RNF157: variants seen among roughly 807,000 people sequenced by gnomAD.
RNF157 encodes the protein E3 ubiquitin ligase RNF157.
RNF157 carries 55 observed loss-of-function variants against 88.3 expected under a neutral mutation model. The observed-to-expected ratio is 0.62, with a 90% confidence interval of 0.50 to 0.78. RNF157 has a LOEUF of 0.78. Among genes scored for constraint, RNF157 ranks in the 30% least tolerant of loss-of-function variants. The pLI, the probability that RNF157 is intolerant of heterozygous loss-of-function variation, is 0.00. For synonymous variants in RNF157, 334 were observed against 341.2 expected, an observed-to-expected ratio of 0.98 and a Z score of 0.23; for missense variants, 788 against 860.8, an observed-to-expected ratio of 0.92 and a Z score of 1.06.
chr17:76,156,634 C>T (rs2068769625), intron 13 of RNF157: 1 of 518,238 alleles, frequency 1.9e-6, no homozygotes, highest in African/African-American at 2.1e-5. Context: ...GGGGACACCC[C>T]AGGTTTCCCC....
intron 2 of RNF157, among the ~76,000 whole-genome samples, chr17:76,186,438 C>T (rs1468253691): frequency 6.6e-6 from 1 of 150,752 alleles, no homozygotes; most frequent in African/African-American, 2.4e-5. Flanking sequence ...ACTGAGGAGG[C>T]AGAGGTTGCA....
intron 5 of RNF157, 33 bp downstream of exon 5, chr17:76,166,976 G>A (rs1310592911): frequency 1.3e-6 from 2 of 1,496,586 alleles, no homozygotes; most frequent in Admixed American, 1.9e-5. Context: ...CCTTCTGAGT[G>A]GATGTGGGAA....
intron 2 of RNF157, among the ~76,000 whole-genome samples, chr17:76,190,403 G>C (rs1307618390): frequency 2.0e-5 from 3 of 152,016 alleles, no homozygotes; most frequent in African/African-American, 7.2e-5. Context: ...CTGGCCCCAA[G>C]TGATCTGCCT....
At position 76,156,825 on chromosome 17, in the gene RNF157, C is replaced by T. The variant is rs923418710; in HGVS notation, c.1414-504G>A. ...ACACCCCCACCTCCGATCCCAGCCC[C>T]GACCTGTCAGGCATCTGGGTGCACA... On this transcript the variant is annotated intron_variant, in intron 13 of 18. Transcript: ENST00000269391. Among the ~76,000 whole-genome samples the T allele has an allele frequency of 5.3e-5, 8 of 152,210 alleles. No individual in the cohort carries two copies. In the East Asian group the frequency reaches 9.6e-4, roughly 18 times the overall value.
rs768420945 is a variant in RNF157, at chr17:76,162,017, A to G, written c.793-15T>C. On this transcript the variant is annotated splice_polypyrimidine_tract_variant and intron_variant, in intron 9 of 18. Coordinates refer to ENST00000269391, the MANE Select transcript of RNF157 (RefSeq NM_052916.3). ...TCTTCAGCCACCTGGCCAAGGAGAA[A>G]GAAATGTAGCCAATGGCACAAAGCC... 13 of 1,610,888 alleles carry G rather than the reference A, an allele frequency of 8.1e-6. No homozygotes were observed. In the South Asian group the frequency reaches 8.8e-5, roughly 11 times the overall value.
intron 18 of RNF157, chr17:76,147,384 C>T (rs1196627385): frequency 2.0e-6 from 2 of 980,808 alleles, no homozygotes; most frequent in Non-Finnish European, 2.4e-6. Flanking sequence ...ATAAAAACAG[C>T]AGCACCACCA....
At chr17:76,187,198 T>A (rs80224057) in intron 2 of RNF157, among the ~76,000 whole-genome samples, 1 of 151,908 alleles carries the variant, frequency 6.6e-6, no homozygotes, top group South Asian at 2.1e-4. Flanking sequence ...CTTTTTTTTT[T>A]CTTAAGATGG....
intron 3 of RNF157, among the ~76,000 whole-genome samples, chr17:76,172,601 C>A (rs2069032931): frequency 1.0e-5 from 1 of 96,052 alleles, no homozygotes; most frequent in Non-Finnish European, 1.9e-5. Context: ...GAGCAAAACT[C>A]CATCTCAAAA....
At chr17:76,164,936 C>A in intron 7 of RNF157, 141 bp from the exon 8 acceptor site, 1 of 591,674 alleles carries the variant, frequency 1.7e-6, no homozygotes. Flanking sequence ...CGCCATCAAC[C>A]ACTGTCTGAA....
At position 76,214,655 on chromosome 17, in the gene RNF157, C is replaced by T. The variant is rs78532161; in HGVS notation, c.89-2173G>A. Among the ~76,000 whole-genome samples, 960 of 152,300 alleles carry T rather than the reference C, an allele frequency of 6.3e-3. 7 individuals carry two copies. Among genetic ancestry groups the T allele is most frequent in the African/African-American group, 0.021 (888 of 41,560 alleles). Reference sequence around the variant, plus strand: ...AAGGCTACACACATACCCTCTCCACCTCAAATTCATTAACAGTGCTAATGG... The same window carrying T: ...AAGGCTACACACATACCCTCTCCACTTCAAATTCATTAACAGTGCTAATGG... On this transcript the variant is annotated intron_variant, in intron 1 of 18. Coordinates refer to ENST00000269391, the MANE Select transcript of RNF157 (RefSeq NM_052916.3).
At chr17:76,162,075 G>A (rs1056331771) in intron 9 of RNF157, 73 bp from the exon 10 acceptor site, 28 of 1,474,814 alleles carry the variant, frequency 1.9e-5, no homozygotes, top group African/African-American at 1.8e-4. Flanking sequence ...ACAAGGCAGC[G>A]TGGCTGAAGA....
At chr17:76,162,051 C>T in intron 9 of RNF157, 49 bp from the exon 10 acceptor site, 1 of 1,579,486 alleles carries the variant, frequency 6.3e-7, no homozygotes, top group South Asian at 1.1e-5. Context: ...CCCTTCCTGT[C>T]CCATACTTTA....
chr17:76,196,325 C>T (rs2069477024), intron 2 of RNF157, among the ~76,000 whole-genome samples: 2 of 152,162 alleles, frequency 1.3e-5, no homozygotes, highest in African/African-American at 4.8e-5. Flanking sequence ...CAAACCAGGA[C>T]AGAAGTTAGG....
intron 2 of RNF157, among the ~76,000 whole-genome samples, chr17:76,189,293 CTG>C (rs1019396985): frequency 5.3e-5 from 8 of 152,164 alleles, no homozygotes; most frequent in Non-Finnish European, 7.3e-5. Context: ...TATGGCAACT[CTG>C]TTATCTTTTG....
At chr17:76,185,976 CAT>C (rs138496601) in intron 2 of RNF157, among the ~76,000 whole-genome samples, 20 of 151,040 alleles carry the variant, frequency 1.3e-4, no homozygotes, top group African/African-American at 4.1e-4. Flanking sequence ...AAATATAAAA[CAT>C]ATATATATAT....
intron 1 of RNF157, among the ~76,000 whole-genome samples, chr17:76,215,535 C>A (rs1477126558): frequency 5.4e-5 from 6 of 112,018 alleles, no homozygotes; most frequent in South Asian, 2.7e-4. Context: ...AGATTTATAG[C>A]AAACTAAAAA....
At chr17:76,193,257 CAT>C (rs1358179360) in intron 2 of RNF157, among the ~76,000 whole-genome samples, 1 of 152,142 alleles carries the variant, frequency 6.6e-6, no homozygotes, top group African/African-American at 2.4e-5. Context: ...TTTTGAAAAC[CAT>C]ACAGTGCTAT....
chr17:76,186,631 T>C (rs527758878), intron 2 of RNF157, among the ~76,000 whole-genome samples: 11 of 152,016 alleles, frequency 7.2e-5, no homozygotes, highest in Non-Finnish European at 1.5e-4. Flanking sequence ...CTCTGAGGTC[T>C]ACTAGGCTAG....
At chr17:76,224,273 A>T (rs2070039039) in intron 1 of RNF157, among the ~76,000 whole-genome samples, 1 of 152,220 alleles carries the variant, frequency 6.6e-6, no homozygotes, top group Non-Finnish European at 1.5e-5. Context: ...CAGTGAAATT[A>T]AATATTGAGC....
Sources: gnomAD v4.1 joint callset for allele counts (sites outside exome capture counted in the v4.1 genomes callset) on GRCh38, gnomAD v4.1.1 for gene constraint, MANE v1.5 for transcripts, NCBI Gene and HGNC (gene_info 2026-07-23, HGNC 2026-07-21) for gene names.